Variants in NUB1 observed in about 807,000 individuals in gnomAD.
NUB1 encodes negative regulator of ubiquitin like proteins 1.
A neutral mutation model predicts 77.1 loss-of-function variants in NUB1; 41 were observed. That is an observed-to-expected ratio of 0.53 (90% CI 0.41 to 0.69). The LOEUF (loss-of-function observed/expected upper bound fraction) is 0.69, where lower values mean the gene tolerates loss of function less well. Among genes scored for constraint, NUB1 ranks in the 30% least tolerant of loss-of-function variants. The pLI is 0.00. For missense variants in NUB1, 643 were observed against 743.8 expected (o/e 0.86, Z 1.58); for synonymous variants, 257 against 281.0 (o/e 0.91, Z 0.85).
rs1798288018 is a variant in NUB1, at chr7:151,376,673, G to A, written c.1531G>A (p.Ala511Thr). The change falls in exon 14 of 15, where the codon GCG (alanine) becomes ACG (threonine). Residue 511 changes from alanine to threonine, a missense_variant. By Grantham distance (58) the Ala-to-Thr change is moderately conservative. Coordinates refer to ENST00000568733, the MANE Select transcript of NUB1 (RefSeq NM_001243351.2). ...TTTTGATGCACTCGTGGCCGAAGCT[G>A]CGCTGAGAGTGTTCAGAGGCAACGT... The part of the protein sequence containing the change: ...MGFDALVAEA[A>T]LRVFRGNVQL... 6.2e-7 allele frequency: 1 copy of A among 1,611,456 alleles called. No individual in the cohort carries two copies. The highest frequency in any genetic ancestry group is 1.1e-5 in the South Asian group (1 of 90,530).
Position 151,351,497 on chromosome 7 carries a change from G to A in NUB1, c.344+15G>A. On this transcript the variant is annotated intron_variant, in intron 4 of 14. Transcript: ENST00000568733. ...CTGAGGTCCAAGTAAGTATCTGTGT[G>A]CTCTGTGTCCTAGGTGCTCTGGGCC... 1 of 1,603,962 alleles carries A rather than the reference G, an allele frequency of 6.2e-7. No individual in the cohort carries two copies. Among genetic ancestry groups the A allele is most frequent in the Non-Finnish European group, 8.5e-7 (1 of 1,171,818 alleles).
In NUB1 at chr7:151,367,103, A is replaced by C. The variant is rs764799304; in HGVS notation, c.965A>C (p.His322Pro). 1 of 1,613,756 alleles carries C rather than the reference A, an allele frequency of 6.2e-7. No homozygotes were observed. Reference protein sequence around the residue: ...KCFKNCYGENHQRLVHIKGNC... With the variant: ...KCFKNCYGENPQRLVHIKGNC... ...TTTAAAAATTGTTACGGAGAAAATC[A>C]TCAGAGACTGGTCCACATAAAAGTA... Residue 322 changes from histidine (H) to proline (P), a missense_variant, in exon 9 of 15, where the codon CAT becomes CCT. His to Pro is a moderately conservative substitution (Grantham distance 77, BLOSUM62 -2). Coordinates refer to ENST00000568733, the MANE Select transcript of NUB1 (RefSeq NM_001243351.2).
intron 1 of NUB1, among the ~76,000 whole-genome samples, chr7:151,342,835 TTTTA>T (rs1278968708): frequency 3.3e-5 from 5 of 152,116 alleles, no homozygotes; most frequent in Non-Finnish European, 5.9e-5. Context: ...TTTAAAAATT[TTTTA>T]TTTGTTTATT....
At chr7:151,360,510 T>C in intron 8 of NUB1, 1 of 344,404 alleles carries the variant, frequency 2.9e-6, no homozygotes. Context: ...GTCGGAACTT[T>C]CCATTATAAA....
chr7:151,375,402 T>C (rs1239265098), intron 12 of NUB1, among the ~76,000 whole-genome samples: 1 of 152,046 alleles, frequency 6.6e-6, no homozygotes, highest in African/African-American at 2.4e-5. Context: ...GAAAGGAAAG[T>C]CTCCACAGGG....
chr7:151,346,142 G>A (rs1430698171), intron 2 of NUB1, among the ~76,000 whole-genome samples: 1 of 152,172 alleles, frequency 6.6e-6, no homozygotes, highest in Non-Finnish European at 1.5e-5. Flanking sequence ...TTGTCATGAG[G>A]CATTAAATTG....
intron 8 of NUB1, among the ~76,000 whole-genome samples, chr7:151,362,109 A>C (rs918540350): frequency 6.6e-6 from 1 of 152,188 alleles, no homozygotes; most frequent in Admixed American, 6.5e-5. Flanking sequence ...CCTTGAAATA[A>C]TTTTTAGGTC....
intron 7 of NUB1, among the ~76,000 whole-genome samples, chr7:151,359,384 A>G (rs180785057): frequency 0.012 from 1,813 of 151,234 alleles, 37 homozygotes; most frequent in African/African-American, 0.042. Flanking sequence ...TGGAGCTTGC[A>G]GTGAGTCGAG....
chr7:151,341,998 C>T, intron 1 of NUB1, 152 bp downstream of exon 1: 1 of 1,259,338 alleles, frequency 7.9e-7, no homozygotes, highest in Non-Finnish European at 1.0e-6. Flanking sequence ...GGGCCGGGGC[C>T]GGGGCCGGGG....
intron 4 of NUB1, chr7:151,351,973 C>G: frequency 2.5e-6 from 1 of 395,034 alleles, no homozygotes; most frequent in Non-Finnish European, 5.2e-6. Flanking sequence ...ACTTTGAGAT[C>G]TGGTGGGTTA....
chr7:151,365,348 TACTC>T (rs1797620277), intron 8 of NUB1, among the ~76,000 whole-genome samples: 2 of 150,674 alleles, frequency 1.3e-5, no homozygotes, highest in Admixed American at 6.6e-5. Context: ...CACAAATAAA[TACTC>T]ACTCCTGGGT....
At position 151,348,569 on chromosome 7, in the gene NUB1, C is replaced by CTTTTTTTTTTTTTT. The variant is rs59781719; in HGVS notation, c.118-493_118-480dup. 1.3e-4 allele frequency among the ~76,000 whole-genome samples: 9 copies of CTTTTTTTTTTTTTT among 69,940 alleles called. 2 individuals are homozygous for CTTTTTTTTTTTTTT. The highest frequency in any genetic ancestry group is 4.5e-4 in the Admixed American group (2 of 4,466). The allele number at this position is 69,940 out of a possible 152,430, so 45.9% of individuals were successfully genotyped here. A position where few individuals can be genotyped will look rare whatever the true frequency, so the allele number is the denominator to read the frequency against. On this transcript the variant is annotated intron_variant, in intron 2 of 14. Coordinates refer to ENST00000568733, the MANE Select transcript of NUB1 (RefSeq NM_001243351.2). ...AAATGTTTTTGTTTTTTGCTTTTTG[C>CTTTTTTTTTTTTTT]TTTTTTTTTTTTTTTTTTTTTTTTG...
intron 1 of NUB1, among the ~76,000 whole-genome samples, chr7:151,343,595 C>G (rs2150654122): frequency 6.6e-6 from 1 of 152,294 alleles, no homozygotes; most frequent in South Asian, 2.1e-4. Context: ...AAGCGCTGTG[C>G]TACACCTGCC....
At chr7:151,342,088 G>A in intron 1 of NUB1, 1 of 542,350 alleles carries the variant, frequency 1.8e-6, no homozygotes, top group South Asian at 6.2e-5. Flanking sequence ...CAGAGGTGTG[G>A]GGTATTTAAA....
At chr7:151,344,171 A>C in intron 1 of NUB1, among the ~76,000 whole-genome samples, 1 of 85,742 alleles carries the variant, frequency 1.2e-5, no homozygotes, top group Admixed American at 1.5e-4. Flanking sequence ...ACAGAGTGAG[A>C]CTCCCTCTCA....
intron 2 of NUB1, among the ~76,000 whole-genome samples, chr7:151,347,385 C>T (rs757457727): frequency 2.0e-5 from 3 of 151,126 alleles, no homozygotes; most frequent in Non-Finnish European, 4.4e-5. Context: ...TGCACTCCAG[C>T]CTGGGCAACG....
At chr7:151,353,757 A>T (rs1461504758) in intron 5 of NUB1, among the ~76,000 whole-genome samples, 1 of 152,234 alleles carries the variant, frequency 6.6e-6, no homozygotes, top group Non-Finnish European at 1.5e-5. Flanking sequence ...CAAGCACTGT[A>T]GCCCACTGGT....
At chr7:151,344,917 T>C (rs2994483) in intron 1 of NUB1, among the ~76,000 whole-genome samples, 2 of 151,914 alleles carry the variant, frequency 1.3e-5, no homozygotes, top group Non-Finnish European at 2.9e-5. Flanking sequence ...GGGGAATTGC[T>C]TGAACCCAGG....
chr7:151,345,389 T>A lies in NUB1; in HGVS notation c.40T>A (p.Phe14Ile), dbSNP rs770045325. The A allele has an allele frequency of 1.2e-6, 2 of 1,612,618 alleles. No individual in the cohort carries two copies. Among genetic ancestry groups the A allele is most frequent in the Non-Finnish European group, 1.7e-6 (2 of 1,179,342 alleles). ...ATATCTTCAAGCAAAATTGACCCAG[T>A]TTTTAAGGGAAGACAGGATTCAACT... ...KKYLQAKLTQ[F>I]LREDRIQLWK... Residue 14 changes from phenylalanine to isoleucine, a missense_variant, in exon 2 of 15, where the codon TTT becomes ATT. Coordinates refer to ENST00000568733, the MANE Select transcript of NUB1 (RefSeq NM_001243351.2).
Sources: gnomAD v4.1 joint callset for allele counts (sites outside exome capture counted in the v4.1 genomes callset) on GRCh38, gnomAD v4.1.1 for gene constraint, MANE v1.5 for transcripts, NCBI Gene and HGNC (gene_info 2026-07-23, HGNC 2026-07-21) for gene names.